Variants in TLK1 observed in about 807,000 individuals in gnomAD.
The protein encoded by TLK1 is tousled like kinase 1.
TLK1 carries 24 observed loss-of-function variants against 105.3 expected under a neutral mutation model. The ratio of observed to expected loss-of-function variants is 0.23; its 90% CI spans 0.17 to 0.32. The LOEUF is 0.32. Among genes scored for constraint, TLK1 ranks in the 10% least tolerant of loss-of-function variants. TLK1 has a pLI of 1.00. For synonymous variants in TLK1, 321 were observed against 310.4 expected, an observed-to-expected ratio of 1.03 and a Z score of -0.36; for missense variants, 558 against 910.5, an observed-to-expected ratio of 0.61 and a Z score of 4.98.
intron 11 of TLK1, among the ~76,000 whole-genome samples, chr2:171,043,885 T>G (rs1178804492): frequency 6.6e-6 from 1 of 152,158 alleles, no homozygotes; most frequent in African/African-American, 2.4e-5. Context: ...AGCCCACACT[T>G]TCTTTTAATA....
intron 2 of TLK1, among the ~76,000 whole-genome samples, chr2:171,105,686 C>T (rs983271047): frequency 6.7e-6 from 1 of 149,200 alleles, no homozygotes; most frequent in Non-Finnish European, 1.5e-5. Flanking sequence ...GACTCCGTCT[C>T]GAAAAAAAAA....
chr2:171,120,248 GAAAAAAAAAAAAA>G, intron 1 of TLK1, among the ~76,000 whole-genome samples: 1 of 47,056 alleles, frequency 2.1e-5, no homozygotes, highest in South Asian at 9.7e-4. Context: ...GACTCCGTCA[GAAAAAAAAAAAAA>G]AAAAAAAAAA....
chr2:171,116,960 A>G (rs144115604), intron 2 of TLK1, among the ~76,000 whole-genome samples: 2 of 152,308 alleles, frequency 1.3e-5, no homozygotes, highest in East Asian at 3.9e-4. Context: ...ATAAATGGTC[A>G]CAAAGGTCCA....
At chr2:171,084,328 G>C (rs775674158) in intron 2 of TLK1, among the ~76,000 whole-genome samples, 3 of 152,192 alleles carry the variant, frequency 2.0e-5, no homozygotes, top group Non-Finnish European at 4.4e-5. Context: ...TAGCCTCCAC[G>C]AATCCTTGAA....
chr2:171,025,208 A>G (rs1160704562), intron 12 of TLK1, among the ~76,000 whole-genome samples: 2 of 152,178 alleles, frequency 1.3e-5, no homozygotes, highest in Admixed American at 6.5e-5. Flanking sequence ...AATATGAACT[A>G]AACTTCATGA....
In TLK1 at chr2:171,050,100, CTTAT is replaced by C; in HGVS notation, c.803_806del (p.Asn268SerfsTer5). 1.9e-6 allele frequency: 3 copies of C among 1,600,696 alleles called. No individual in the cohort carries two copies. Among genetic ancestry groups the C allele is most frequent in the Non-Finnish European group, 2.6e-6 (3 of 1,171,626 alleles). On this transcript the variant is annotated frameshift_variant, in exon 9 of 21. Coordinates refer to ENST00000431350, the MANE Select transcript of TLK1 (RefSeq NM_012290.5). LOFTEE classifies it high-confidence loss of function. ...GAAGTTTCTTGCTCATTGATATGCA[CTTAT>C]TTAATCGTTCTTTGTATTTTTCAAG... is the stretch of plus-strand genomic sequence containing the variant.
chr2:171,082,901 G>T, intron 2 of TLK1, 49 bp from the exon 3 acceptor site: 1 of 1,284,666 alleles, frequency 7.8e-7, no homozygotes, highest in Non-Finnish European at 1.1e-6. Context: ...TTTTTTTAAA[G>T]CAGCGGGAAT....
At chr2:171,016,879 T>C (rs536373536) in intron 12 of TLK1, among the ~76,000 whole-genome samples, 1 of 152,270 alleles carries the variant, frequency 6.6e-6, no homozygotes, top group South Asian at 2.1e-4. Context: ...AGATTTGATA[T>C]TACATGGCAA....
chr2:171,155,079 T>A (rs1284261406), intron 1 of TLK1, among the ~76,000 whole-genome samples: 1 of 152,222 alleles, frequency 6.6e-6, no homozygotes, highest in East Asian at 1.9e-4. Flanking sequence ...TTAATATGCA[T>A]TTTAAATTCA....
chr2:171,036,215 C>T (rs112282782), intron 11 of TLK1, among the ~76,000 whole-genome samples: 4 of 152,234 alleles, frequency 2.6e-5, no homozygotes, highest in African/African-American at 9.6e-5. Context: ...GAGGCCAAGG[C>T]GGGTGAACTG....
intron 1 of TLK1, among the ~76,000 whole-genome samples, chr2:171,133,284 G>C (rs1691176775): frequency 6.6e-6 from 1 of 152,114 alleles, no homozygotes; most frequent in South Asian, 2.1e-4. Flanking sequence ...GTATCTAAGA[G>C]AGAAAAAACA....
At chr2:171,018,510 G>T (rs548523031) in intron 12 of TLK1, among the ~76,000 whole-genome samples, 3 of 152,306 alleles carry the variant, frequency 2.0e-5, no homozygotes, top group African/African-American at 7.2e-5. Context: ...TATCCAGTAG[G>T]CTACATTCTC....
At chr2:171,109,827 A>C (rs538780269) in intron 2 of TLK1, among the ~76,000 whole-genome samples, 1 of 152,380 alleles carries the variant, frequency 6.6e-6, no homozygotes, top group South Asian at 2.1e-4. Flanking sequence ...AAACAGCAAC[A>C]ACCTGGATAA....
In TLK1 at chr2:171,028,575, T is replaced by C. The variant is rs527328436; in HGVS notation, c.1170-170A>G. On this transcript the variant is annotated intron_variant, in intron 11 of 20. Coordinates refer to ENST00000431350, the MANE Select transcript of TLK1 (RefSeq NM_012290.5). ...TTCTTCAGAATATATTTAATACTTTTAGATGAAACAGTTAACTAATTCTAC... is the reference window on the plus strand; with the variant it reads ...TTCTTCAGAATATATTTAATACTTTCAGATGAAACAGTTAACTAATTCTAC... Among the ~76,000 whole-genome samples the C allele has an allele frequency of 5.3e-5, 8 of 152,306 alleles. No homozygotes were observed. In the South Asian group the frequency reaches 1.5e-3, roughly 28 times the overall value.
intron 1 of TLK1, among the ~76,000 whole-genome samples, chr2:171,226,614 A>G (rs977754985): frequency 1.3e-5 from 2 of 152,162 alleles, no homozygotes; most frequent in Admixed American, 1.3e-4. Context: ...TTCCAGAAGC[A>G]AGTAGACAAC....
chr2:171,115,238 C>T (rs1690366700), intron 2 of TLK1, among the ~76,000 whole-genome samples: 1 of 144,428 alleles, frequency 6.9e-6, no homozygotes, highest in Non-Finnish European at 1.5e-5. Flanking sequence ...ATGGCGCCAT[C>T]TTGGCTCACC....
rs1239570007 is a variant in TLK1, at chr2:170,993,873, T to C, written c.2208A>G (p.Pro736=). 1 of 1,613,082 alleles carries C rather than the reference T, an allele frequency of 6.2e-7. No homozygotes were observed. The change falls in exon 21 of 21, where the codon CCA becomes CCG. Residue 736 remains proline (P), a synonymous_variant. Coordinates refer to ENST00000431350, the MANE Select transcript of TLK1 (RefSeq NM_012290.5). ...HQLANDPYLL[P]HMRRSNSSGN... is the part of the protein sequence containing the mutation. ...CTGAAGAATTTGATCTTCTCATGTG[T>C]GGGAGAAGGTATGGGTCATTTGCCA...
intron 1 of TLK1, among the ~76,000 whole-genome samples, chr2:171,169,907 C>G (rs551527730): frequency 6.6e-6 from 1 of 152,270 alleles, no homozygotes; most frequent in Admixed American, 6.5e-5. Flanking sequence ...TTGTGGAAAG[C>G]TTTCAGGAAC....
chr2:171,026,564 G>A lies in TLK1; in HGVS notation c.1236+1775C>T, dbSNP rs3770430. Among the ~76,000 whole-genome samples, 159 of 152,220 alleles carry A rather than the reference G, an allele frequency of 1.0e-3. 1 individual carries two copies. In the East Asian group the frequency reaches 0.029, roughly 27 times the overall value. ...AGTAATCTGAAATTTGGTATTACAC[G>A]TGAAGATAATAACCCTTCAGTAAAA... On this transcript the variant is annotated intron_variant, in intron 12 of 20. Coordinates refer to ENST00000431350, the MANE Select transcript of TLK1 (RefSeq NM_012290.5).
Sources: gnomAD v4.1 joint callset for allele counts (sites outside exome capture counted in the v4.1 genomes callset) on GRCh38, gnomAD v4.1.1 for gene constraint, MANE v1.5 for transcripts, NCBI Gene and HGNC (gene_info 2026-07-23, HGNC 2026-07-21) for gene names.